RBPMS2: variants seen among roughly 807,000 people sequenced by gnomAD.
RBPMS2 encodes the protein RNA-binding protein with multiple splicing 2.
In RBPMS2, 14 loss-of-function variants were observed where a neutral mutation model predicts 25.7. The observed-to-expected ratio is 0.55, with a 90% CI of 0.36 to 0.85. The LOEUF (loss-of-function observed/expected upper bound fraction) is 0.85. Ranked by LOEUF, RBPMS2 falls within the 40% of genes least tolerant of loss-of-function variation. RBPMS2 has a pLI of 0.01. For missense variants in RBPMS2, 252 were observed against 283.4 expected (o/e 0.89, Z 0.80); for synonymous variants, 127 against 115.6 (o/e 1.10, Z -0.63).
chr15:64,772,029 C>T (rs1014709679), intron 1 of RBPMS2, among the ~76,000 whole-genome samples: 1 of 152,138 alleles, frequency 6.6e-6, no homozygotes, highest in Admixed American at 6.6e-5. Context: ...ATTCACAATA[C>T]CTAATACAAT....
chr15:64,741,095 G>C (rs2083557372), intron 7 of RBPMS2, 78 bp downstream of exon 7: 20 of 1,139,478 alleles, frequency 1.8e-5, no homozygotes, highest in Non-Finnish European at 2.6e-5. Flanking sequence ...TGAGACCCGG[G>C]GCAGAGGGAG....
intron 1 of RBPMS2, among the ~76,000 whole-genome samples, chr15:64,773,273 C>T (rs2083905103): frequency 6.6e-6 from 1 of 152,220 alleles, no homozygotes; most frequent in East Asian, 1.9e-4. Context: ...GATGGAGCCA[C>T]CAGCACAGGG....
intron 6 of RBPMS2, among the ~76,000 whole-genome samples, chr15:64,742,583 A>C (rs1183343557): frequency 6.6e-6 from 1 of 152,194 alleles, no homozygotes; most frequent in Admixed American, 6.5e-5. Context: ...CCAGTTATGC[A>C]CGGTGAAGCA....
intron 1 of RBPMS2, among the ~76,000 whole-genome samples, chr15:64,760,224 G>A (rs1203391767): frequency 6.6e-6 from 1 of 152,326 alleles, no homozygotes; most frequent in South Asian, 2.1e-4. Flanking sequence ...ACAGGACTGG[G>A]ACATGGGGTC....
chr15:64,758,846 G>C (rs1864304302), intron 1 of RBPMS2, among the ~76,000 whole-genome samples: 1 of 152,182 alleles, frequency 6.6e-6, no homozygotes, highest in South Asian at 2.1e-4. Context: ...GACTCCTTTG[G>C]GGAGAAGGGC....
intron 6 of RBPMS2, among the ~76,000 whole-genome samples, chr15:64,742,161 G>A (rs151059258): frequency 1.6e-3 from 250 of 152,228 alleles, no homozygotes; most frequent in African/African-American, 5.6e-3. Context: ...ACAAAACTCC[G>A]TCTCCAACAA....
chr15:64,763,362 T>C (rs1223203525), intron 1 of RBPMS2, among the ~76,000 whole-genome samples: 5 of 152,124 alleles, frequency 3.3e-5, no homozygotes, highest in Admixed American at 6.5e-5. Flanking sequence ...GTGGCTCAGC[T>C]ACCCAGGCAA....
intron 1 of RBPMS2, among the ~76,000 whole-genome samples, chr15:64,770,935 T>C (rs1433600032): frequency 6.6e-6 from 1 of 152,092 alleles, no homozygotes; most frequent in East Asian, 1.9e-4. Context: ...ATACCAGGCC[T>C]GCAAGCAGCA....
intron 1 of RBPMS2, among the ~76,000 whole-genome samples, chr15:64,773,092 G>C (rs79700626): frequency 0.018 from 2,801 of 152,234 alleles, 38 homozygotes; most frequent in Middle Eastern, 0.034. Flanking sequence ...GCTTGCTCTC[G>C]CTAGTCTCCA....
intron 6 of RBPMS2, 89 bp from the exon 7 acceptor site, chr15:64,741,331 G>A: frequency 9.8e-7 from 1 of 1,017,244 alleles, no homozygotes; most frequent in Non-Finnish European, 1.5e-6. Context: ...GTCCCCGCTG[G>A]AGTCCTGGTT....
chr15:64,748,770 C>T (rs1422123392), intron 5 of RBPMS2, among the ~76,000 whole-genome samples: 1 of 152,002 alleles, frequency 6.6e-6, no homozygotes, highest in African/African-American at 2.4e-5. Context: ...TAAGACAGGC[C>T]TCAGCTCGTC....
chr15:64,741,000 C>CTGAAAAA lies in RBPMS2; in HGVS notation c.*8-1_*8insTTTTTCA. The CTGAAAAA allele has an allele frequency of 1.8e-6, 1 of 565,276 alleles. No homozygotes were observed. Among genetic ancestry groups the CTGAAAAA allele is most frequent in the Non-Finnish European group, 3.2e-6 (1 of 315,496 alleles). 35.0% of individuals were successfully genotyped at this position (565,276 alleles called of 1,614,324 possible). A position where few individuals can be genotyped will look rare whatever the true frequency, so the allele number is the denominator to read the frequency against. ...CAGAACCACCTCCCCGGTGACCAGA[C>CTGAAAAA]CTGGAGGGAGGGAGAGAGGCGGCCG... On this transcript the variant is annotated splice_region_variant and 3_prime_UTR_variant. Coordinates refer to ENST00000300069, the MANE Select transcript of RBPMS2 (RefSeq NM_194272.3).
In RBPMS2 at chr15:64,748,282, T is replaced by C. The variant is rs531404239; in HGVS notation, c.567+137A>G. 2.6e-4 allele frequency: 242 copies of C among 942,564 alleles called. 3 individuals carry two copies. The South Asian group carries it at 3.8e-3, about 15-fold the overall frequency. The allele number at this position is 942,564 out of a possible 1,614,324, so 58.4% of individuals were successfully genotyped here. On this transcript the variant is annotated intron_variant, in intron 6 of 7. Coordinates refer to ENST00000300069, the MANE Select transcript of RBPMS2 (RefSeq NM_194272.3). Reference sequence around the variant, plus strand: ...GGAGGACAAATAGGTCCCTGGGGTCTGGGCTTTCAAACCATCAAGGAAGAC... The same window carrying C: ...GGAGGACAAATAGGTCCCTGGGGTCCGGGCTTTCAAACCATCAAGGAAGAC...
intron 1 of RBPMS2, among the ~76,000 whole-genome samples, chr15:64,758,780 C>T (rs893167797): frequency 2.6e-5 from 4 of 152,234 alleles, no homozygotes; most frequent in Middle Eastern, 3.4e-3. Flanking sequence ...CAGGCTATCA[C>T]TTACTGGCAC....
intron 5 of RBPMS2, 64 bp downstream of exon 5, chr15:64,748,936 A>G: frequency 1.3e-6 from 2 of 1,573,048 alleles, no homozygotes; most frequent in Non-Finnish European, 1.7e-6. Flanking sequence ...TCCCTCTGCA[A>G]GAGCCTGCAA....
chr15:64,761,424 C>G (rs1200762883), intron 1 of RBPMS2, among the ~76,000 whole-genome samples: 2 of 152,234 alleles, frequency 1.3e-5, no homozygotes, highest in Admixed American at 1.3e-4. Context: ...CCGAGCATGT[C>G]AGAAACAGCC....
chr15:64,766,280 C>T (rs1226961323), intron 1 of RBPMS2, among the ~76,000 whole-genome samples: 3 of 151,972 alleles, frequency 2.0e-5, no homozygotes, highest in Admixed American at 6.6e-5. Context: ...CACACCCAGG[C>T]CCTGCTGCAC....
At chr15:64,746,747 T>A (rs1567063520) in intron 6 of RBPMS2, among the ~76,000 whole-genome samples, 1 of 152,190 alleles carries the variant, frequency 6.6e-6, no homozygotes, top group African/African-American at 2.4e-5. Context: ...TGTCACAGCC[T>A]AGCAATTCAG....
At chr15:64,748,890 G>A in intron 5 of RBPMS2, 110 bp downstream of exon 5, 2 of 1,244,876 alleles carry the variant, frequency 1.6e-6, no homozygotes, top group Non-Finnish European at 2.2e-6. Flanking sequence ...AAAAATGGGT[G>A]GCCGTGGACA....
Sources: allele counts gnomAD v4.1 joint callset (sites outside exome capture counted in the v4.1 genomes callset), GRCh38; gene constraint gnomAD v4.1.1; transcripts MANE v1.5; gene names NCBI Gene and HGNC (gene_info 2026-07-23, HGNC 2026-07-21).